KCNJ11: variants seen among roughly 807,000 people sequenced by gnomAD.
KCNJ11 encodes the protein potassium inwardly rectifying channel subfamily J member 11, also known as ATP-sensitive inward rectifier potassium channel 11.
A neutral mutation model predicts 17.3 loss-of-function variants in KCNJ11; 12 were observed. The ratio of observed to expected loss-of-function variants is 0.69; its 90% CI spans 0.44 to 1.12. KCNJ11 has a LOEUF of 1.12. Ranked by LOEUF, KCNJ11 falls within the 50% of genes most tolerant of loss-of-function variation. The pLI is 0.00. For synonymous variants in KCNJ11, 211 were observed against 223.4 expected (o/e 0.94, Z 0.50); for missense variants, 386 against 554.1 (o/e 0.70, Z 3.05).
Position 17,387,061 on chromosome 11 carries a change from C to T in KCNJ11, c.1031G>A (p.Cys344Tyr), listed in dbSNP as rs762355661. ...GTCCTCATCAAGCTGGCGGGCCGTG[C>T]AGAGTGGTGTGGGCACTTTGACGGT... ...GNTVKVPTPL[C>Y]TARQLDEDHS... is the part of the protein sequence containing the mutation. The change falls in exon 1 of 1, where the codon TGC (cysteine) becomes TAC (tyrosine). Residue 344 changes from cysteine (C) to tyrosine (Y), a missense_variant. Transcript: ENST00000339994. 6.2e-7 allele frequency: 1 copy of T among 1,614,080 alleles called. No individual in the cohort carries two copies. Among genetic ancestry groups the T allele is most frequent in the South Asian group, 1.1e-5 (1 of 91,092 alleles).
chr11:17,387,521 G>C lies in KCNJ11; in HGVS notation c.571C>G (p.Leu191Val). 6.2e-7 allele frequency: 1 copy of C among 1,612,210 alleles called. No individual in the cohort carries two copies. Among genetic ancestry groups the C allele is most frequent in the Non-Finnish European group, 8.5e-7 (1 of 1,179,868 alleles). The part of the protein sequence containing the change: ...LIFSKHAVIA[L>V]RHGRLCFMLR... ...ATGAAGCAGAGGCGGCCGTGGCGCA[G>C]GGCGATCACCGCATGCTTGCTGAAG... is the stretch of plus-strand genomic sequence containing the variant. The change falls in exon 1 of 1, where the codon CTG becomes GTG. Residue 191 changes from leucine (L) to valine (V), a missense_variant. Physicochemically the swap from Leu to Val is conservative, Grantham distance 32. Coordinates refer to ENST00000339994, the MANE Select transcript of KCNJ11 (RefSeq NM_000525.4).
Position 17,387,648 on chromosome 11 carries a change from G to A in KCNJ11, c.444C>T (p.Ile148=). 1 of 1,614,026 alleles carries A rather than the reference G, an allele frequency of 6.2e-7. No homozygotes were observed. Among genetic ancestry groups the A allele is most frequent in the Non-Finnish European group, 8.5e-7 (1 of 1,180,016 alleles). Residue 148 remains isoleucine (I), a synonymous_variant, in exon 1 of 1, where the codon ATC becomes ATT. Transcript: ENST00000339994. ...VTEECPLAIL[I]LIVQNIVGLM... ...GCCCCACGATGTTCTGCACGATGAG[G>A]ATCAGGATGGCCAGTGGGCACTCCT...
chr11:17,387,806 C>T lies in KCNJ11; in HGVS notation c.286G>A (p.Ala96Thr), dbSNP rs766658650. ...FAMAWWLIAFAHGDLAPSEGT... is the reference protein window; with the variant it reads ...FAMAWWLIAFTHGDLAPSEGT... Reference sequence around the variant, plus strand: ...TCGCTGGGGGCCAGGTCACCGTGGGCGAAGGCGATGAGCCACCAGGCCATG... The same window carrying T: ...TCGCTGGGGGCCAGGTCACCGTGGGTGAAGGCGATGAGCCACCAGGCCATG... Residue 96 changes from alanine (A) to threonine (T), a missense_variant, in exon 1 of 1, where the codon GCC becomes ACC. Ala to Thr is a moderately conservative substitution (Grantham distance 58, BLOSUM62 0). Transcript: ENST00000339994. 5.0e-6 allele frequency: 8 copies of T among 1,614,016 alleles called. No homozygotes were observed. The highest frequency in any genetic ancestry group is 2.2e-5 in the South Asian group (2 of 91,078).
rs1004606705 is a variant in KCNJ11, at chr11:17,385,603, G to C, written c.*1316C>G. On this transcript the variant is annotated 3_prime_UTR_variant, in exon 1 of 1. Coordinates refer to ENST00000339994, the MANE Select transcript of KCNJ11 (RefSeq NM_000525.4). ...CAGCAGGTCCCTGGGAGTAGAGACA[G>C]AGCCCAGGGCTGCAAAGCCTGGTGA... 1.3e-5 allele frequency among the ~76,000 whole-genome samples: 2 copies of C among 152,246 alleles called. No individual in the cohort carries two copies. The highest frequency in any genetic ancestry group is 6.5e-5 in the Admixed American group (1 of 15,294).
Position 17,387,382 on chromosome 11 carries a change from T to A in KCNJ11, c.710A>T (p.Asp237Val). 1 of 1,614,080 alleles carries A rather than the reference T, an allele frequency of 6.2e-7. No homozygotes were observed. Among genetic ancestry groups the A allele is most frequent in the South Asian group, 1.1e-5 (1 of 91,082 alleles). ...EGEVVPLHQVDIPMENGVGGN... is the reference protein window; with the variant it reads ...EGEVVPLHQVVIPMENGVGGN... ...ACCCACGCCGTTCTCCATGGGGATGTCCACCTGGTGGAGGGGCACCACCTC... is the reference window on the plus strand; with the variant it reads ...ACCCACGCCGTTCTCCATGGGGATGACCACCTGGTGGAGGGGCACCACCTC... Residue 237 changes from aspartate (D) to valine (V), a missense_variant, in exon 1 of 1, where the codon GAC becomes GTC. Asp to Val is a radical substitution (Grantham distance 152, BLOSUM62 -3). Coordinates refer to ENST00000339994, the MANE Select transcript of KCNJ11 (RefSeq NM_000525.4).
At position 17,387,088 on chromosome 11, in the gene KCNJ11, T is replaced by C; in HGVS notation, c.1004A>G (p.Asn335Ser). 1 of 1,614,174 alleles carries C rather than the reference T, an allele frequency of 6.2e-7. No individual in the cohort carries two copies. Among genetic ancestry groups the C allele is most frequent in the Non-Finnish European group, 8.5e-7 (1 of 1,180,006 alleles). The stretch of plus-strand genomic sequence containing the variant: ...GAGTGGTGTGGGCACTTTGACGGTG[T>C]TGCCAAACTTGGAGTAGTCCACAGA... Reference protein sequence around the residue: ...RYSVDYSKFGNTVKVPTPLCT... With the variant: ...RYSVDYSKFGSTVKVPTPLCT... Residue 335 changes from asparagine (N) to serine (S), a missense_variant, in exon 1 of 1, where the codon AAC (asparagine) becomes AGC (serine). Coordinates refer to ENST00000339994, the MANE Select transcript of KCNJ11 (RefSeq NM_000525.4).
rs1364226046 is a variant in KCNJ11, at chr11:17,386,936, G to A, written c.1156C>T (p.Pro386Ser). The change falls in exon 1 of 1, where the codon CCA (proline) becomes TCA (serine). Residue 386 changes from proline to serine, a missense_variant. Pro to Ser is a moderately conservative substitution (Grantham distance 74). Coordinates refer to ENST00000339994, the MANE Select transcript of KCNJ11 (RefSeq NM_000525.4). ...ACCATGGCTCAGGACAGGGAATCTGGAGAGATGCTGAACTTGGGCTTGGCC... is the reference window on the plus strand; with the variant it reads ...ACCATGGCTCAGGACAGGGAATCTGAAGAGATGCTGAACTTGGGCTTGGCC... ...AKAKPKFSIS[P>S]DSLS The A allele has an allele frequency of 6.2e-7, 1 of 1,612,994 alleles. No homozygotes were observed. Among genetic ancestry groups the A allele is most frequent in the Non-Finnish European group, 8.5e-7 (1 of 1,179,468 alleles).
Position 17,387,008 on chromosome 11 carries a change from C to T in KCNJ11, c.1084G>A (p.Ala362Thr), listed in dbSNP as rs755839409. The T allele has an allele frequency of 4.6e-5, 75 of 1,613,850 alleles. No homozygotes were observed. Among genetic ancestry groups the T allele is most frequent in the Middle Eastern group, 3.3e-4 (2 of 6,082 alleles). ...TTGCGCAGGGGCCCGCGGGCTGAGG[C>T]GAGGGTCAGAGCTTCCAGTAGGCTG... ...DHSLLEALTL[A>T]SARGPLRKRS... Residue 362 changes from alanine to threonine, a missense_variant, in exon 1 of 1, where the codon GCC becomes ACC. Ala to Thr is a moderately conservative substitution (Grantham distance 58, BLOSUM62 0). Coordinates refer to ENST00000339994, the MANE Select transcript of KCNJ11 (RefSeq NM_000525.4).
Position 17,387,984 on chromosome 11 carries a change from C to T in KCNJ11, c.108G>A (p.Val36=), listed in dbSNP as rs112070496. Residue 36 remains valine (V), a synonymous_variant, in exon 1 of 1, where the codon GTG becomes GTA. Coordinates refer to ENST00000339994, the MANE Select transcript of KCNJ11 (RefSeq NM_000525.4). ...YRARQRRARF[V]SKKGNCNVAH... ...CCACGTTGCAGTTGCCTTTCTTGGA[C>T]ACAAAGCGGGCCCTCCGCTGGCGGG... 8.6e-4 allele frequency: 1,391 copies of T among 1,613,826 alleles called. 16 individuals carry two copies. The African/African-American group carries it at 0.016, about 19-fold the overall frequency.
chr11:17,387,072 G>A lies in KCNJ11; in HGVS notation c.1020C>T (p.Pro340=). 1 of 1,614,210 alleles carries A rather than the reference G, an allele frequency of 6.2e-7. No homozygotes were observed. The highest frequency in any genetic ancestry group is 8.5e-7 in the Non-Finnish European group (1 of 1,180,024). The change falls in exon 1 of 1, where the codon CCC becomes CCT. Residue 340 remains proline (P), a synonymous_variant. Coordinates refer to ENST00000339994, the MANE Select transcript of KCNJ11 (RefSeq NM_000525.4). ...YSKFGNTVKV[P]TPLCTARQLD... is the part of the protein sequence containing the mutation. ...GCTGGCGGGCCGTGCAGAGTGGTGTGGGCACTTTGACGGTGTTGCCAAACT... is the reference window on the plus strand; with the variant it reads ...GCTGGCGGGCCGTGCAGAGTGGTGTAGGCACTTTGACGGTGTTGCCAAACT...
Position 17,388,523 on chromosome 11 carries a change from T to C in KCNJ11, c.-432A>G, listed in dbSNP as rs1953601771. 1 of 273,602 alleles carries C rather than the reference T, an allele frequency of 3.7e-6. No homozygotes were observed. Among genetic ancestry groups the C allele is most frequent in the South Asian group, 3.6e-5 (1 of 27,504 alleles). The allele number at this position is 273,602 out of a possible 1,614,324, so 16.9% of individuals were successfully genotyped here. A position where few individuals can be genotyped will look rare whatever the true frequency, so the allele number is the denominator to read the frequency against. ...TGAACCCGAGAGGCGGAGGTTGCAG[T>C]GAGCCAAGATCACGCCACTGCACTC... On this transcript the variant is annotated 5_prime_UTR_variant, in exon 1 of 1. Coordinates refer to ENST00000339994, the MANE Select transcript of KCNJ11 (RefSeq NM_000525.4).
upstream of KCNJ11, chr11:17,389,172 ACCTGCT>A (rs1370344819): frequency 4.6e-4 from 67 of 146,914 alleles, no homozygotes; most frequent in African/African-American, 1.5e-3. Flanking sequence ...CCGCCGCTGC[ACCTGCT>A]CCTGCTCCTC....
chr11:17,388,503 C>CAA lies in KCNJ11; in HGVS notation c.-413_-412insTT. ...GCTGAGGCAGGAGAATCGCTTGAAC[C>CAA]CGAGAGGCGGAGGTTGCAGTGAGCC... is the stretch of plus-strand genomic sequence containing the variant. On this transcript the variant is annotated 5_prime_UTR_variant, in exon 1 of 1. Transcript: ENST00000339994. The CAA allele has an allele frequency of 3.6e-6, 1 of 274,936 alleles. No individual in the cohort carries two copies. Among genetic ancestry groups the CAA allele is most frequent in the South Asian group, 3.7e-5 (1 of 26,718 alleles). 17.0% of individuals were successfully genotyped at this position (274,936 alleles called of 1,614,324 possible).
In KCNJ11 at chr11:17,388,174, T is replaced by C; in HGVS notation, c.-83A>G. On this transcript the variant is annotated 5_prime_UTR_variant, in exon 1 of 1. Transcript: ENST00000339994. The stretch of plus-strand genomic sequence containing the variant: ...CCTAGGGCCTCACTGCAGAGTCCTC[T>C]CGGTGGGCACCTTCTCACCCTGGGG... 1 of 1,255,932 alleles carries C rather than the reference T, an allele frequency of 8.0e-7. No homozygotes were observed. The highest frequency in any genetic ancestry group is 1.1e-6 in the Non-Finnish European group (1 of 880,474). 77.8% of individuals were successfully genotyped at this position (1,255,932 alleles called of 1,614,324 possible). A position where few individuals can be genotyped will look rare whatever the true frequency, so the allele number is the denominator to read the frequency against.
rs1459421088 is a variant in KCNJ11, at chr11:17,385,543, C to T, written c.*1376G>A. 6.6e-6 allele frequency among the ~76,000 whole-genome samples: 1 copy of T among 152,236 alleles called. No individual in the cohort carries two copies. The highest frequency in any genetic ancestry group is 1.5e-5 in the Non-Finnish European group (1 of 68,032). On this transcript the variant is annotated 3_prime_UTR_variant, in exon 1 of 1. Coordinates refer to ENST00000339994, the MANE Select transcript of KCNJ11 (RefSeq NM_000525.4). The stretch of plus-strand genomic sequence containing the variant: ...CCAATTACTACACTAATGCCTATGA[C>T]ACCTCTATACCTCTCCCTGGGCACT...
rs1223204688 is a variant in KCNJ11 at position 17,387,523 on chromosome 11, G to A, written c.569C>T (p.Ala190Val). ...GAAGCAGAGGCGGCCGTGGCGCAGG[G>A]CGATCACCGCATGCTTGCTGAAGAT... ...TLIFSKHAVI[A>V]LRHGRLCFML... Residue 190 changes from alanine (A) to valine (V), a missense_variant, in exon 1 of 1, where the codon GCC becomes GTC. Coordinates refer to ENST00000339994, the MANE Select transcript of KCNJ11 (RefSeq NM_000525.4). 2 of 1,612,098 alleles carry A rather than the reference G, an allele frequency of 1.2e-6. No individual in the cohort carries two copies. The highest frequency in any genetic ancestry group is 8.5e-7 in the Non-Finnish European group (1 of 1,179,862).
chr11:17,387,842 G>A lies in KCNJ11; in HGVS notation c.250C>T (p.Leu84=), dbSNP rs758281673. ...IFTMSFLCSW[L]LFAMAWWLIA... is the part of the protein sequence containing the mutation. ...AGCCACCAGGCCATGGCGAAGAGCA[G>A]CCAGCTGCACAGGAAGGACATGGTG... The change falls in exon 1 of 1, where the codon CTG becomes TTG. Residue 84 remains leucine (L), a synonymous_variant. Transcript: ENST00000339994. 6.2e-7 allele frequency: 1 copy of A among 1,613,980 alleles called. No homozygotes were observed. The highest frequency in any genetic ancestry group is 1.1e-5 in the South Asian group (1 of 91,080).
At chr11:17,388,661 G>T (rs978855058), upstream of KCNJ11, 2 of 356,302 alleles carry the variant, frequency 5.6e-6, no homozygotes, top group Non-Finnish European at 1.2e-5. Context: ...AACCCTGCCG[G>T]CTCTCCACCT....
chr11:17,387,943 C>A lies in KCNJ11; in HGVS notation c.149G>T (p.Arg50Leu), dbSNP rs80356611. The A allele has an allele frequency of 1.2e-6, 2 of 1,611,852 alleles. No homozygotes were observed. Among genetic ancestry groups the A allele is most frequent in the African/African-American group, 2.7e-5 (2 of 75,010 alleles). ...GTCCTGCAGGAAGCGGCCCTGCTCC[C>A]GGATGTTCTTGTGGGCCACGTTGCA... ...GNCNVAHKNI[R>L]EQGRFLQDVF... Residue 50 changes from arginine (R) to leucine (L), a missense_variant, in exon 1 of 1, where the codon CGG (arginine) becomes CTG (leucine). Coordinates refer to ENST00000339994, the MANE Select transcript of KCNJ11 (RefSeq NM_000525.4).
Sources: allele counts gnomAD v4.1 joint callset (sites outside exome capture counted in the v4.1 genomes callset), GRCh38; gene constraint gnomAD v4.1.1; transcripts MANE v1.5; gene names NCBI Gene and HGNC (gene_info 2026-07-23, HGNC 2026-07-21).